GPC5: variants seen among roughly 807,000 people sequenced by gnomAD.
GPC5 encodes glypican 5, also known as glypican-5.
A neutral mutation model predicts 53.9 loss-of-function variants in GPC5; 47 were observed. The observed-to-expected ratio is 0.87, with a 90% CI of 0.69 to 1.11. GPC5 has a LOEUF of 1.11. Ranked by LOEUF, GPC5 falls within the 50% of genes most tolerant of loss-of-function variation. The probability of loss-of-function intolerance (pLI) is 0.00; values close to 1 mark genes in which losing one functional copy is unlikely to be tolerated. For missense variants in GPC5, 748 were observed against 713.1 expected, an observed-to-expected ratio of 1.05 and a Z score of -0.56; for synonymous variants, 286 against 263.3, an observed-to-expected ratio of 1.09 and a Z score of -0.84.
intron 7 of GPC5, among the ~76,000 whole-genome samples, chr13:92,493,851 A>G (rs765612716): frequency 2.0e-5 from 3 of 152,154 alleles, no homozygotes; most frequent in South Asian, 4.1e-4. Flanking sequence ...AATTCAGACT[A>G]TTGCTTCAAA....
chr13:92,010,634 A>G (rs572946209), intron 6 of GPC5, among the ~76,000 whole-genome samples: 6 of 152,274 alleles, frequency 3.9e-5, no homozygotes, highest in Non-Finnish European at 7.4e-5. Flanking sequence ...TGGTATCCTT[A>G]TAAGAAGAGG....
intron 7 of GPC5, among the ~76,000 whole-genome samples, chr13:92,286,583 T>C (rs1266167670): frequency 6.6e-6 from 1 of 152,140 alleles, no homozygotes; most frequent in African/African-American, 2.4e-5. Flanking sequence ...ATATCCTTTG[T>C]AGGGACATGG....
At chr13:92,466,964 A>G (rs570033164) in intron 7 of GPC5, among the ~76,000 whole-genome samples, 1 of 152,240 alleles carries the variant, frequency 6.6e-6, no homozygotes, top group Admixed American at 6.6e-5. Context: ...TGCTAATTAA[A>G]AGTCTGGTGT....
intron 5 of GPC5, among the ~76,000 whole-genome samples, chr13:91,825,125 C>T (rs1021764049): frequency 3.4e-5 from 5 of 145,504 alleles, no homozygotes; most frequent in African/African-American, 1.3e-4. Flanking sequence ...GAGAGAGGAT[C>T]GGGTGGGGGA....
intron 7 of GPC5, among the ~76,000 whole-genome samples, chr13:92,644,439 G>T (rs1358638075): frequency 6.6e-6 from 1 of 152,116 alleles, no homozygotes; most frequent in South Asian, 2.1e-4. Flanking sequence ...ACAATCACAA[G>T]ACTGAAATCT....
chr13:92,326,053 C>A (rs1188874471), intron 7 of GPC5, among the ~76,000 whole-genome samples: 1 of 151,952 alleles, frequency 6.6e-6, no homozygotes, highest in Non-Finnish European at 1.5e-5. Context: ...GATCGGGAAT[C>A]CTTGAATCAC....
chr13:92,333,225 C>A (rs1308634139), intron 7 of GPC5, among the ~76,000 whole-genome samples: 1 of 152,156 alleles, frequency 6.6e-6, no homozygotes, highest in Non-Finnish European at 1.5e-5. Context: ...CTACCCACTT[C>A]TCTTAGTAAA....
At chr13:91,856,125 G>A (rs1232340160) in intron 5 of GPC5, among the ~76,000 whole-genome samples, 1 of 151,326 alleles carries the variant, frequency 6.6e-6, no homozygotes, top group East Asian at 1.9e-4. Context: ...ATATTTCATT[G>A]TTTTCATTGC....
intron 6 of GPC5, among the ~76,000 whole-genome samples, chr13:92,094,862 A>G (rs2041409834): frequency 6.6e-6 from 1 of 151,940 alleles, no homozygotes; most frequent in South Asian, 2.1e-4. Context: ...ACTATATTGT[A>G]TATAGTAATA....
chr13:92,637,785 A>AG (rs1323022731), intron 7 of GPC5, among the ~76,000 whole-genome samples: 22 of 152,294 alleles, frequency 1.4e-4, no homozygotes, highest in Admixed American at 1.3e-3. Context: ...GAGAAAAAAA[A>AG]TCAAGAGAAA....
intron 2 of GPC5, among the ~76,000 whole-genome samples, chr13:91,596,678 A>AT (rs1416793157): frequency 2.0e-5 from 3 of 152,098 alleles, no homozygotes; most frequent in African/African-American, 7.2e-5. Context: ...TCTGGGTGGG[A>AT]CAAGAATTAT....
At chr13:91,702,238 A>T (rs1409465271) in intron 3 of GPC5, among the ~76,000 whole-genome samples, 1 of 152,076 alleles carries the variant, frequency 6.6e-6, no homozygotes, top group Non-Finnish European at 1.5e-5. Context: ...CTTATTCCAC[A>T]GGTTGTCTCT....
intron 7 of GPC5, among the ~76,000 whole-genome samples, chr13:92,168,293 T>C (rs138075635): frequency 0.012 from 1,901 of 152,242 alleles, 30 homozygotes; most frequent in African/African-American, 0.044. Flanking sequence ...GATTTCATAT[T>C]GAAAACATCA....
intron 7 of GPC5, among the ~76,000 whole-genome samples, chr13:92,555,050 C>A: frequency 1.3e-5 from 2 of 150,274 alleles, no homozygotes; most frequent in East Asian, 1.9e-4. Context: ...TTATAAAAAT[C>A]TTATAAAATT....
intron 2 of GPC5, among the ~76,000 whole-genome samples, chr13:91,539,796 A>C (rs72641418): frequency 0.061 from 9,219 of 152,280 alleles, 371 homozygotes; most frequent in Non-Finnish European, 0.087. Flanking sequence ...GTATGTGTCA[A>C]ATAGCAACAA....
intron 7 of GPC5, among the ~76,000 whole-genome samples, chr13:92,319,026 G>A (rs1047240333): frequency 1.5e-4 from 23 of 152,090 alleles, no homozygotes; most frequent in African/African-American, 4.8e-4. Context: ...AGAGAGTAGG[G>A]CAAAGACCCT....
At chr13:91,980,457 A>T (rs2040346755) in intron 6 of GPC5, among the ~76,000 whole-genome samples, 2 of 152,240 alleles carry the variant, frequency 1.3e-5, no homozygotes, top group African/African-American at 4.8e-5. Flanking sequence ...TTCAAGATAA[A>T]TTACTTCCAC....
At chr13:92,293,823 G>C (rs2043015031) in intron 7 of GPC5, among the ~76,000 whole-genome samples, 1 of 152,124 alleles carries the variant, frequency 6.6e-6, no homozygotes, top group Non-Finnish European at 1.5e-5. Context: ...TGTTGGCTCT[G>C]GGTTTGTCAT....
intron 7 of GPC5, among the ~76,000 whole-genome samples, chr13:92,443,498 T>G (rs1877663151): frequency 6.6e-6 from 1 of 152,116 alleles, no homozygotes; most frequent in Non-Finnish European, 1.5e-5. Flanking sequence ...CTAAGTTTAT[T>G]GTTGAAAATG....
Sources: gnomAD v4.1 joint callset for allele counts (sites outside exome capture counted in the v4.1 genomes callset) on GRCh38, gnomAD v4.1.1 for gene constraint, MANE v1.5 for transcripts, NCBI Gene and HGNC (gene_info 2026-07-23, HGNC 2026-07-21) for gene names.